CFAP299: variants seen among roughly 807,000 people sequenced by gnomAD.
CFAP299 encodes cilia- and flagella-associated protein 299.
A neutral mutation model predicts 27.0 loss-of-function variants in CFAP299; 21 were observed. The ratio of observed to expected loss-of-function variants is 0.78; its 90% CI spans 0.55 to 1.12. CFAP299 has a LOEUF of 1.12. CFAP299 is among the 50% of genes most tolerant of loss of function. The pLI, the probability that CFAP299 is intolerant of heterozygous loss-of-function variation, is 0.00. For missense variants in CFAP299, 310 were observed against 276.6 expected (o/e 1.12, Z -0.86); for synonymous variants, 104 against 98.1 (o/e 1.06, Z -0.36).
intron 4 of CFAP299, among the ~76,000 whole-genome samples, chr4:80,909,328 CTT>C (rs1396016467): frequency 2.0e-5 from 3 of 151,802 alleles, no homozygotes; most frequent in Non-Finnish European, 4.4e-5. Context: ...TTTTACAAGA[CTT>C]AAGTTTCTAG....
intron 2 of CFAP299, among the ~76,000 whole-genome samples, chr4:80,476,878 T>C (rs1456894799): frequency 6.6e-6 from 1 of 152,080 alleles, no homozygotes; most frequent in Non-Finnish European, 1.5e-5. Context: ...CTCCCCAGTA[T>C]GATGGTGGAT....
intron 3 of CFAP299, among the ~76,000 whole-genome samples, chr4:80,861,483 A>G (rs1461591338): frequency 1.3e-5 from 2 of 152,172 alleles, no homozygotes; most frequent in Non-Finnish European, 2.9e-5. Context: ...GGAAATGCAG[A>G]AATCACCCGT....
intron 4 of CFAP299, among the ~76,000 whole-genome samples, chr4:80,939,823 G>T (rs1461137297): frequency 6.6e-6 from 1 of 152,056 alleles, no homozygotes; most frequent in Non-Finnish European, 1.5e-5. Context: ...GATTTTGAGG[G>T]TCTCTCAGGC....
chr4:80,640,055 T>A (rs1043089494), intron 3 of CFAP299, among the ~76,000 whole-genome samples: 1 of 152,190 alleles, frequency 6.6e-6, no homozygotes, highest in East Asian at 1.9e-4. Flanking sequence ...ATAGTTGCAA[T>A]GTGAATTCAC....
the CFAP299 span, among the ~76,000 whole-genome samples, chr4:80,330,321 T>G: frequency 6.2e-3 from 939 of 152,260 alleles, 2 homozygotes; most frequent in Middle Eastern, 0.02. Flanking sequence ...GATGATCACG[T>G]CTTTGCAAAC....
intron 3 of CFAP299, among the ~76,000 whole-genome samples, chr4:80,809,142 A>G (rs1729013633): frequency 6.6e-6 from 1 of 152,168 alleles, no homozygotes; most frequent in Non-Finnish European, 1.5e-5. Context: ...GGGCTATCTA[A>G]TTTAGAGTAA....
chr4:80,747,879 A>G (rs1269987529), intron 3 of CFAP299, among the ~76,000 whole-genome samples: 1 of 152,052 alleles, frequency 6.6e-6, no homozygotes, highest in African/African-American at 2.4e-5. Flanking sequence ...TGACTTACCT[A>G]TTTATACTTT....
the CFAP299 span, among the ~76,000 whole-genome samples, chr4:80,322,520 C>CT: frequency 8.1e-4 from 121 of 149,998 alleles, no homozygotes; most frequent in African/African-American, 2.8e-3. Flanking sequence ...TCTTAAAATA[C>CT]TTTTTTTTTT....
intron 3 of CFAP299, among the ~76,000 whole-genome samples, chr4:80,851,758 C>T (rs1002076499): frequency 6.6e-6 from 1 of 152,040 alleles, no homozygotes; most frequent in South Asian, 2.1e-4. Flanking sequence ...TTCAATTCAG[C>T]CTTCATCTTC....
intron 3 of CFAP299, among the ~76,000 whole-genome samples, chr4:80,800,505 TA>T (rs1728445460): frequency 2.6e-4 from 1 of 3,784 alleles, no homozygotes; most frequent in South Asian, 9.8e-3. Flanking sequence ...TATAATATAT[TA>T]TATAATATAT....
rs189216669 is a variant in CFAP299 at position 80,626,867 on chromosome 4, A to G, written c.333+43684A>G. ...TCAGCAATAAAGTCTCCTATCAAAG[A>G]AGAGTCTGGGACATGGTGACATCAC... is the stretch of plus-strand genomic sequence containing the variant. On this transcript the variant is annotated intron_variant, in intron 3 of 5. Coordinates refer to ENST00000358105, the MANE Select transcript of CFAP299 (RefSeq NM_152770.3). 6.7e-3 allele frequency among the ~76,000 whole-genome samples: 1,009 copies of G among 151,516 alleles called. 12 individuals carry two copies. The highest frequency in any genetic ancestry group is 0.023 in the African/African-American group (960 of 41,056).
intron 3 of CFAP299, among the ~76,000 whole-genome samples, chr4:80,759,291 T>C (rs1578097585): frequency 1.3e-5 from 2 of 152,194 alleles, no homozygotes; most frequent in Non-Finnish European, 2.9e-5. Context: ...CACTAGGGGA[T>C]ACAGAATGTG....
intron 3 of CFAP299, among the ~76,000 whole-genome samples, chr4:80,667,275 A>G (rs1741187024): frequency 6.6e-6 from 1 of 152,166 alleles, no homozygotes; most frequent in Non-Finnish European, 1.5e-5. Context: ...CATAATTTGT[A>G]AAGATCAAAT....
intron 2 of CFAP299, among the ~76,000 whole-genome samples, chr4:80,510,183 T>G (rs1294964476): frequency 6.6e-6 from 1 of 152,160 alleles, no homozygotes; most frequent in Non-Finnish European, 1.5e-5. Context: ...ATTATGCTTT[T>G]TAAAAAATAT....
At chr4:80,393,858 T>C (rs1578394926) in intron 2 of CFAP299, among the ~76,000 whole-genome samples, 1 of 152,118 alleles carries the variant, frequency 6.6e-6, no homozygotes, top group East Asian at 1.9e-4. Flanking sequence ...TCAAATCTCA[T>C]CTAAATTTTA....
chr4:80,752,217 G>A (rs1724973116), intron 3 of CFAP299, among the ~76,000 whole-genome samples: 1 of 152,066 alleles, frequency 6.6e-6, no homozygotes, highest in East Asian at 1.9e-4. Context: ...TTCTCCATGA[G>A]TCGAGTTGTT....
intron 3 of CFAP299, among the ~76,000 whole-genome samples, chr4:80,724,372 A>G (rs74704602): frequency 0.019 from 2,851 of 152,242 alleles, 52 homozygotes; most frequent in Admixed American, 0.058. Flanking sequence ...ATGTATACAC[A>G]AACTCCAAAT....
At chr4:80,683,375 G>C (rs1469983545) in intron 3 of CFAP299, among the ~76,000 whole-genome samples, 3 of 152,072 alleles carry the variant, frequency 2.0e-5, no homozygotes, top group Admixed American at 6.5e-5. Flanking sequence ...AATGTCAAAA[G>C]TTCTGCATAA....
chr4:80,941,277 C>A (rs906653407), intron 4 of CFAP299, among the ~76,000 whole-genome samples: 1 of 152,054 alleles, frequency 6.6e-6, no homozygotes, highest in Admixed American at 6.6e-5. Context: ...ATACAAAGGG[C>A]TGACTATATT....
Sources: gnomAD v4.1 joint callset for allele counts (sites outside exome capture counted in the v4.1 genomes callset) on GRCh38, gnomAD v4.1.1 for gene constraint, MANE v1.5 for transcripts, NCBI Gene and HGNC (gene_info 2026-07-23, HGNC 2026-07-21) for gene names.